Variants in ERI1 observed in about 807,000 individuals in gnomAD.
ERI1 encodes 3'-5' exoribonuclease 1.
ERI1 carries 39 observed loss-of-function variants against 39.7 expected under a neutral mutation model. The observed-to-expected ratio is 0.98, with a 90% CI of 0.76 to 1.28. ERI1 has a LOEUF of 1.28. Ranked by LOEUF, ERI1 falls within the 50% of genes most tolerant of loss-of-function variation. The pLI, the probability that ERI1 is intolerant of heterozygous loss-of-function variation, is 0.00. For synonymous variants in ERI1, 204 were observed against 149.6 expected, an observed-to-expected ratio of 1.36 and a Z score of -2.65; for missense variants, 581 against 416.9, an observed-to-expected ratio of 1.39 and a Z score of -3.43.
chr8:9,033,967 A>C (rs1273691515), downstream of ERI1, among the ~76,000 whole-genome samples: 1 of 152,246 alleles, frequency 6.6e-6, no homozygotes, highest in Non-Finnish European at 1.5e-5. Flanking sequence ...AATACTGTTA[A>C]CTTCTAATGT....
chr8:9,036,222 G>T (rs1183382090), downstream of ERI1, among the ~76,000 whole-genome samples: 1 of 152,232 alleles, frequency 6.6e-6, no homozygotes, highest in Non-Finnish European at 1.5e-5. Flanking sequence ...AATTTTGAAA[G>T]AAGGTCTGTG....
At chr8:9,060,437 A>G (rs1798654528) in intron 3 of ERI1, among the ~76,000 whole-genome samples, 1 of 151,998 alleles carries the variant, frequency 6.6e-6, no homozygotes. Flanking sequence ...CTTGATGTGT[A>G]GCGAAGGGAG....
At chr8:9,057,734 C>T (rs1375588593) in intron 3 of ERI1, among the ~76,000 whole-genome samples, 1 of 152,104 alleles carries the variant, frequency 6.6e-6, no homozygotes, top group East Asian at 1.9e-4. Context: ...GGAAAATGAG[C>T]ATCAAGGGTA....
At chr8:9,068,829 G>T (rs931982137) in intron 3 of ERI1, among the ~76,000 whole-genome samples, 2 of 151,968 alleles carry the variant, frequency 1.3e-5, no homozygotes, top group African/African-American at 2.4e-5. Context: ...TTTATTATTG[G>T]TTTTTGAGAC....
rs1797624531 is a variant in ERI1 at position 9,032,010 on chromosome 8, G to GA, written c.*1977dup. On this transcript the variant is annotated 3_prime_UTR_variant, in exon 7 of 7. Transcript: ENST00000250263. ...TGACCTCAAGTGATTTGCCCACCTT[G>GA]ACCTCCTACAGACGTGAGCCACTGC... 6.6e-6 allele frequency: 1 copy of GA among 152,136 alleles called. No homozygotes were observed. Among genetic ancestry groups the GA allele is most frequent in the South Asian group, 2.1e-4 (1 of 4,816 alleles). 9.4% of individuals were successfully genotyped at this position (152,136 alleles called of 1,614,324 possible).
At position 9,033,301 on chromosome 8, in the gene ERI1, C is replaced by T. The variant is rs537021411; in HGVS notation, c.*3267C>T. Reference sequence around the variant, plus strand: ...AATATTTTGTATAATACGAAAATTACGAAATTTTAGTTTCTCTAAATAAAG... The same window carrying T: ...AATATTTTGTATAATACGAAAATTATGAAATTTTAGTTTCTCTAAATAAAG... On this transcript the variant is annotated 3_prime_UTR_variant, in exon 7 of 7. Transcript: ENST00000250263. 4.6e-5 allele frequency: 7 copies of T among 152,232 alleles called. No individual in the cohort carries two copies. The highest frequency in any genetic ancestry group is 2.1e-4 in the South Asian group (1 of 4,826). The allele number at this position is 152,232 out of a possible 1,614,324, so 9.4% of individuals were successfully genotyped here. A position where few individuals can be genotyped will look rare whatever the true frequency, so the allele number is the denominator to read the frequency against.
intron 3 of ERI1, among the ~76,000 whole-genome samples, chr8:9,083,339 T>A (rs1040827590): frequency 5.9e-5 from 9 of 152,328 alleles, no homozygotes; most frequent in Non-Finnish European, 7.3e-5. Context: ...TTACATGGTA[T>A]CTGCCCCCTA....
At chr8:9,045,669 C>G (rs1000609914) in intron 3 of ERI1, among the ~76,000 whole-genome samples, 1 of 148,528 alleles carries the variant, frequency 6.7e-6, no homozygotes, top group African/African-American at 2.5e-5. Context: ...TCATCAGAAT[C>G]TATAGAATTT....
Position 9,007,935 on chromosome 8 carries a change from CTTTTTTTTTTTTT to C in ERI1, c.109-18_109-6del, listed in dbSNP as rs556702690. On this transcript the variant is annotated intron_variant, in intron 1 of 6. Coordinates refer to ENST00000250263, the MANE Select transcript of ERI1 (RefSeq NM_153332.4). ...GTTTGTACTAATTATAAACTACATC[CTTTTTTTTTTTTT>C]TTTTTTTTTTTTTTTTGGTAGGAAA... is the stretch of plus-strand genomic sequence containing the variant. The C allele has an allele frequency of 2.9e-4, 281 of 969,196 alleles. No homozygotes were observed. The African/African-American group carries it at 4.1e-3, about 14-fold the overall frequency. The allele number at this position is 969,196 out of a possible 1,614,324, so 60.0% of individuals were successfully genotyped here.
intron 6 of ERI1, among the ~76,000 whole-genome samples, chr8:9,026,735 C>T (rs1046810805): frequency 2.6e-5 from 4 of 151,952 alleles, no homozygotes; most frequent in Non-Finnish European, 5.9e-5. Flanking sequence ...TTTGGATTTT[C>T]GGATGAGTGA....
At chr8:9,021,058 C>T (rs1585214390) in intron 6 of ERI1, among the ~76,000 whole-genome samples, 1 of 152,082 alleles carries the variant, frequency 6.6e-6, no homozygotes, top group Admixed American at 6.5e-5. Context: ...GTTACCACTC[C>T]TGCTTGTCCT....
chr8:9,052,275 C>T (rs1214215098), intron 3 of ERI1, among the ~76,000 whole-genome samples: 1 of 152,032 alleles, frequency 6.6e-6, no homozygotes, highest in African/African-American at 2.4e-5. Flanking sequence ...TATTTCTCTG[C>T]TTTCTTCCAT....
chr8:9,008,330 A>C (rs1816266299), intron 2 of ERI1, among the ~76,000 whole-genome samples, 182 bp downstream of exon 2: 1 of 152,216 alleles, frequency 6.6e-6, no homozygotes, highest in Non-Finnish European at 1.5e-5. Flanking sequence ...TCTGTCTTCT[A>C]GATGATAGGA....
intron 3 of ERI1, among the ~76,000 whole-genome samples, chr8:9,094,398 C>G (rs1279185888): frequency 2.0e-5 from 3 of 152,178 alleles, no homozygotes; most frequent in Non-Finnish European, 4.4e-5. Flanking sequence ...CAATCCCTCT[C>G]TCTGCAATTG....
chr8:9,092,878 G>C lies in ERI1; in HGVS notation n.300-23470G>C, dbSNP rs116819415. Among the ~76,000 whole-genome samples the C allele has an allele frequency of 7.1e-4, 108 of 152,326 alleles. 1 individual carries two copies. Among genetic ancestry groups the C allele is most frequent in the Middle Eastern group, 3.4e-3 (1 of 294 alleles). On this transcript the variant is annotated intron_variant and non_coding_transcript_variant, in intron 3 of 3. Coordinates refer to the ERI1 transcript ENST00000518663. ...AGTCTGAGACCAAGGTTTCGGCAGG[G>C]TTGGTTCCTTCTGAGGGCTGGGAGG...
chr8:9,011,425 A>G (rs1816654459), intron 2 of ERI1, 117 bp from the exon 3 acceptor site: 3 of 536,440 alleles, frequency 5.6e-6, no homozygotes. Context: ...TATTTTAGCT[A>G]GCATTTGCTA....
At chr8:9,036,580 G>T (rs529587378), downstream of ERI1, among the ~76,000 whole-genome samples, 219 of 152,300 alleles carry the variant, frequency 1.4e-3, 2 homozygotes, top group Non-Finnish European at 1.3e-3. Flanking sequence ...ATTTGTGTGA[G>T]TTGCTTCATT....
intron 3 of ERI1, among the ~76,000 whole-genome samples, chr8:9,014,745 CTTAA>C (rs1817045726): frequency 6.6e-6 from 1 of 152,190 alleles, no homozygotes; most frequent in Non-Finnish European, 1.5e-5. Flanking sequence ...AGGATATAGA[CTTAA>C]TTTATCTGTG....
At chr8:9,005,112 A>G (rs1405114138) in intron 1 of ERI1, among the ~76,000 whole-genome samples, 1 of 152,222 alleles carries the variant, frequency 6.6e-6, no homozygotes, top group Admixed American at 6.5e-5. Context: ...TATATTTTTA[A>G]TAAGTAGGTT....
Sources: allele counts gnomAD v4.1 joint callset (sites outside exome capture counted in the v4.1 genomes callset), GRCh38; gene constraint gnomAD v4.1.1; transcripts MANE v1.5; gene names NCBI Gene and HGNC (gene_info 2026-07-23, HGNC 2026-07-21).